Variants in UBR1 observed in about 807,000 individuals in gnomAD.
UBR1 encodes ubiquitin protein ligase E3 component n-recognin 1.
In UBR1, 102 loss-of-function variants were observed where a neutral mutation model predicts 242.1. The ratio of observed to expected loss-of-function variants is 0.42; its 90% CI spans 0.36 to 0.50. The LOEUF is 0.50. Ranked by LOEUF, UBR1 falls within the 20% of genes least tolerant of loss-of-function variation. UBR1 has a pLI of 0.01. For missense variants in UBR1, 1,772 were observed against 2,101.8 expected (o/e 0.84, Z 3.07); for synonymous variants, 675 against 684.8 (o/e 0.99, Z 0.22).
rs1342513053 is a variant in UBR1 at position 43,022,790 on chromosome 15, A to C, written c.2751T>G (p.Ile917Met). The C allele has an allele frequency of 6.2e-7, 1 of 1,610,738 alleles. No homozygotes were observed. The highest frequency in any genetic ancestry group is 8.5e-7 in the Non-Finnish European group (1 of 1,177,738). ...TEGMLQMAFH[I>M]LALGLLEEKQ... ...TCTCTTCTAGTAAACCCAATGCCAG[A>C]ATATGAAAAGCCTGAAGGAGGAAAA... Residue 917 changes from isoleucine to methionine, a missense_variant, in exon 26 of 47, where the codon ATT becomes ATG. Ile to Met is a conservative substitution (Grantham distance 10). Around this residue, in one of 3 missense-constraint regions of UBR1, gnomAD observed 965 missense variants for 1,079.7 expected, o/e 0.89. Coordinates refer to ENST00000290650, the MANE Select transcript of UBR1 (RefSeq NM_174916.3).
intron 20 of UBR1, among the ~76,000 whole-genome samples, chr15:43,030,560 T>C (rs968477826): frequency 2.6e-4 from 39 of 152,226 alleles, no homozygotes; most frequent in African/African-American, 9.2e-4. Context: ...TGTCTTTATG[T>C]GCTAAATGAC....
chr15:42,959,513 T>C (rs2141254437), intron 43 of UBR1, among the ~76,000 whole-genome samples: 1 of 152,324 alleles, frequency 6.6e-6, no homozygotes, highest in African/African-American at 2.4e-5. Context: ...TTTATGTTCA[T>C]AACTAGATTG....
At chr15:43,050,539 G>A (rs548002764) in intron 12 of UBR1, among the ~76,000 whole-genome samples, 12 of 152,070 alleles carry the variant, frequency 7.9e-5, no homozygotes, top group Admixed American at 3.3e-4. Context: ...GTGAAACCCC[G>A]TCTCCACTAA....
intron 5 of UBR1, 41 bp from the exon 6 acceptor site, chr15:43,068,077 A>G: frequency 7.0e-7 from 1 of 1,429,352 alleles, no homozygotes; most frequent in Non-Finnish European, 9.6e-7. Context: ...ACTACAACAA[A>G]TAAAGGAAAA....
intron 44 of UBR1, among the ~76,000 whole-genome samples, chr15:42,955,204 G>A (rs995365976): frequency 1.3e-5 from 2 of 151,986 alleles, no homozygotes; most frequent in Admixed American, 1.3e-4. Context: ...AATTTAAACT[G>A]CACTCCTTTT....
rs1596075967 is a variant in UBR1, at chr15:42,960,792, G to A, written c.4701-91C>T. 2.9e-5 allele frequency: 38 copies of A among 1,330,042 alleles called. 1 individual carries two copies. Among genetic ancestry groups the A allele is most frequent in the Non-Finnish European group, 3.9e-5 (37 of 938,460 alleles). The allele number at this position is 1,330,042 out of a possible 1,614,324, so 82.4% of individuals were successfully genotyped here. A position where few individuals can be genotyped will look rare whatever the true frequency, so the allele number is the denominator to read the frequency against. On this transcript the variant is annotated intron_variant, in intron 42 of 46. Transcript: ENST00000290650. ...AGCCATTCTCTTTTTTTTTTGAGATGGATTCTCACTCTTTCGCCCAGGCTG... is the reference window on the plus strand; with the variant it reads ...AGCCATTCTCTTTTTTTTTTGAGATAGATTCTCACTCTTTCGCCCAGGCTG...
At chr15:42,976,289 A>C (rs1319817337) in intron 39 of UBR1, among the ~76,000 whole-genome samples, 2 of 152,228 alleles carry the variant, frequency 1.3e-5, no homozygotes, top group Non-Finnish European at 2.9e-5. Context: ...CAACAGTAAG[A>C]TATAACCAGA....
At chr15:43,037,918 A>G (rs750901750) in intron 16 of UBR1, 35 bp from the exon 17 acceptor site, 1 of 1,577,600 alleles carries the variant, frequency 6.3e-7, no homozygotes, top group African/African-American at 1.3e-5. Context: ...ATCATTTCTC[A>G]CAGAGCTTAG....
At chr15:42,955,973 AT>A (rs1265860056) in intron 44 of UBR1, among the ~76,000 whole-genome samples, 2 of 152,182 alleles carry the variant, frequency 1.3e-5, no homozygotes, top group African/African-American at 4.8e-5. Context: ...AGTCTTTGTT[AT>A]CATCCAGTTC....
chr15:43,080,395 T>G (rs1055508590), intron 3 of UBR1, among the ~76,000 whole-genome samples: 4 of 152,246 alleles, frequency 2.6e-5, no homozygotes, highest in African/African-American at 9.6e-5. Context: ...TAGCAACCAC[T>G]GATTTTTTTA....
At chr15:43,032,697 C>T in intron 19 of UBR1, 66 bp from the exon 20 acceptor site, 1 of 954,142 alleles carries the variant, frequency 1.0e-6, no homozygotes, top group Non-Finnish European at 1.6e-6. Flanking sequence ...ACATGCATTT[C>T]TGGACGAGAC....
At chr15:42,970,786 G>C (rs554364133) in intron 39 of UBR1, among the ~76,000 whole-genome samples, 179 bp from the exon 40 acceptor site, 1 of 151,664 alleles carries the variant, frequency 6.6e-6, no homozygotes, top group Non-Finnish European at 1.5e-5. Context: ...GCAATGGTGC[G>C]ATCTTGGCTT....
rs780725999 is a variant in UBR1 at position 43,036,178 on chromosome 15, C to T, written c.2190G>A (p.Gln730=). The T allele has an allele frequency of 1.2e-6, 2 of 1,606,002 alleles. No homozygotes were observed. Among genetic ancestry groups the T allele is most frequent in the Non-Finnish European group, 1.7e-6 (2 of 1,173,026 alleles). Reference sequence around the variant, plus strand: ...TTCACATAATTTACAGGTTGTATACCTGGTCTTTTGTAGATATGGTCTTGT... The same window carrying T: ...TTCACATAATTTACAGGTTGTATACTTGGTCTTTTGTAGATATGGTCTTGT... The part of the protein sequence containing the change: ...AFNKTISTKD[Q]DLIKQYNTLI... Residue 730 remains glutamine (Q), a splice_region_variant and synonymous_variant, in exon 19 of 47, where the codon CAG becomes CAA. Coordinates refer to ENST00000290650, the MANE Select transcript of UBR1 (RefSeq NM_174916.3).
intron 1 of UBR1, among the ~76,000 whole-genome samples, chr15:43,093,054 G>A (rs2034121753): frequency 6.6e-6 from 1 of 151,960 alleles, no homozygotes; most frequent in African/African-American, 2.4e-5. Context: ...AAAAATAACT[G>A]TTTGAAATTA....
chr15:43,061,823 G>C (rs927734933), intron 6 of UBR1, among the ~76,000 whole-genome samples: 3 of 151,826 alleles, frequency 2.0e-5, no homozygotes, highest in Admixed American at 1.3e-4. Flanking sequence ...GGTGGGTGGG[G>C]GAAGAGGGAT....
At chr15:43,022,564 A>T in intron 26 of UBR1, 138 bp downstream of exon 26, 1 of 533,350 alleles carries the variant, frequency 1.9e-6, no homozygotes. Flanking sequence ...GAAAAAAATT[A>T]TTTCAGGGTT....
intron 21 of UBR1, 79 bp from the exon 22 acceptor site, chr15:43,027,907 C>T: frequency 9.0e-7 from 1 of 1,112,540 alleles, no homozygotes; most frequent in Admixed American, 1.8e-5. Flanking sequence ...ACATTTTCTA[C>T]TGCATCTCTG....
intron 6 of UBR1, among the ~76,000 whole-genome samples, chr15:43,061,813 G>C (rs955835224): frequency 1.3e-5 from 2 of 151,570 alleles, no homozygotes; most frequent in African/African-American, 4.9e-5. Flanking sequence ...TTGAGGGAAG[G>C]GTGGGTGGGG....
rs549413181 is a variant in UBR1 at position 42,976,693 on chromosome 15, T to A, written c.4369+24A>T. The A allele has an allele frequency of 6.2e-5, 100 of 1,613,822 alleles. 3 individuals carry two copies. In the South Asian group the frequency reaches 8.9e-4, roughly 14 times the overall value. On this transcript the variant is annotated intron_variant, in intron 39 of 46. Transcript: ENST00000290650. Reference sequence around the variant, plus strand: ...AAGCATGGCAAAATGTTATTCACAGTCAACACCCAGATGAAAACCTTACCT... The same window carrying A: ...AAGCATGGCAAAATGTTATTCACAGACAACACCCAGATGAAAACCTTACCT...
Sources: allele counts gnomAD v4.1 joint callset (sites outside exome capture counted in the v4.1 genomes callset), GRCh38; gene constraint gnomAD v4.1.1; regional missense constraint gnomAD v4.1.1; transcripts MANE v1.5; gene names NCBI Gene and HGNC (gene_info 2026-07-23, HGNC 2026-07-21).